The following SCIN variants were observed in gnomAD, a reference collection of about 807,000 sequenced individuals.
The protein encoded by SCIN is scinderin, also known as adseverin.
Under a neutral mutation model 91.8 loss-of-function variants are expected in SCIN, and 91 were observed. The observed-to-expected ratio is 0.99, with a 90% CI of 0.84 to 1.18. SCIN has a LOEUF of 1.18. SCIN is among the 50% of genes most tolerant of loss of function. SCIN has a pLI of 0.00. For missense variants in SCIN, 1,087 were observed against 863.9 expected (o/e 1.26, Z -3.24); for synonymous variants, 367 against 312.6 (o/e 1.17, Z -1.84).
chr7:12,632,227 T>G (rs188091459), intron 9 of SCIN, among the ~76,000 whole-genome samples: 7 of 151,618 alleles, frequency 4.6e-5, no homozygotes, highest in African/African-American at 1.5e-4. Flanking sequence ...GCCTCCCGGG[T>G]TCAAGCTATT....
chr7:12,604,786 T>TCAA (rs1214836580), intron 4 of SCIN, 123 bp downstream of exon 4: 7 of 760,230 alleles, frequency 9.2e-6, no homozygotes, highest in African/African-American at 1.8e-5. Flanking sequence ...AACACATGTT[T>TCAA]CAATAGTGAG....
intron 3 of SCIN, among the ~76,000 whole-genome samples, chr7:12,603,337 G>A (rs1236956239): frequency 1.3e-5 from 2 of 151,876 alleles, no homozygotes; most frequent in East Asian, 3.9e-4. Context: ...GTAGAGACGG[G>A]GTTTCACTGT....
chr7:12,595,990 A>G (rs780342222), intron 3 of SCIN, among the ~76,000 whole-genome samples: 11 of 152,214 alleles, frequency 7.2e-5, no homozygotes, highest in Non-Finnish European at 1.6e-4. Context: ...CAAAGAGACC[A>G]AGACAAGTTT....
chr7:12,635,691 C>T (rs1373892006), intron 9 of SCIN, among the ~76,000 whole-genome samples: 1 of 145,150 alleles, frequency 6.9e-6, no homozygotes, highest in African/African-American at 2.5e-5. Context: ...AAGTTTGGCT[C>T]GTATTTTCAT....
chr7:12,640,506 A>G lies in SCIN; in HGVS notation c.1570A>G (p.Arg524Gly). ...CCGGAGAAACCTGGCATCTATCACC[A>G]GAATTGTGGAGGTAATGTCATGCAT... The part of the protein sequence containing the change: ...QVRRNLASIT[R>G]IVEVDVDANS... Residue 524 changes from arginine (R) to glycine (G), a missense_variant, in exon 11 of 16, where the codon AGA (arginine) becomes GGA (glycine). By Grantham distance (125) the Arg-to-Gly change is moderately radical. Transcript: ENST00000297029. The G allele has an allele frequency of 1.2e-6, 2 of 1,610,320 alleles. No individual in the cohort carries two copies. Among genetic ancestry groups the G allele is most frequent in the Non-Finnish European group, 1.7e-6 (2 of 1,178,304 alleles).
intron 3 of SCIN, among the ~76,000 whole-genome samples, chr7:12,593,885 G>A (rs1782780725): frequency 6.6e-6 from 1 of 152,204 alleles, no homozygotes; most frequent in African/African-American, 2.4e-5. Context: ...CTTCTCTTCT[G>A]GAAGGAGGGT....
rs533251475 is a variant in SCIN, at chr7:12,594,033, A to C, written c.517-10481A>C. ...TCAATCTGTAAGAGATCGTAGAAGG[A>C]GAAAGGGACGTGGACATGGACGATC... On this transcript the variant is annotated intron_variant, in intron 3 of 15. Transcript: ENST00000297029. Among the ~76,000 whole-genome samples, 6 of 152,304 alleles carry C rather than the reference A, an allele frequency of 3.9e-5. No individual in the cohort carries two copies. In the South Asian group the frequency reaches 6.2e-4, roughly 16 times the overall value.
At chr7:12,624,808 T>C (rs1783477837) in intron 5 of SCIN, among the ~76,000 whole-genome samples, 1 of 152,214 alleles carries the variant, frequency 6.6e-6, no homozygotes, top group African/African-American at 2.4e-5. Flanking sequence ...ATAATTAGTC[T>C]TGTGGATTCT....
intron 3 of SCIN, among the ~76,000 whole-genome samples, chr7:12,601,183 G>A (rs916038417): frequency 2.6e-5 from 4 of 152,116 alleles, no homozygotes; most frequent in Non-Finnish European, 5.9e-5. Context: ...AGAGGACCGT[G>A]GATTAGGTCA....
At chr7:12,622,946 G>C in intron 5 of SCIN, 53 bp downstream of exon 5, 2 of 1,359,318 alleles carry the variant, frequency 1.5e-6, no homozygotes, top group Non-Finnish European at 2.1e-6. Flanking sequence ...ATGTAGCTAG[G>C]GAGGCCTGTA....
intron 3 of SCIN, among the ~76,000 whole-genome samples, chr7:12,586,940 G>A (rs1782600636): frequency 6.6e-6 from 1 of 152,122 alleles, no homozygotes; most frequent in African/African-American, 2.4e-5. Context: ...AGGGGGAGGG[G>A]AGGCTAGGGA....
chr7:12,578,909 G>GTTTTTTTTTTTTTTTTTTTTTTTTTT lies in SCIN; in HGVS notation c.354+706_354+707insTTTTTTTTTTTTTTTTTTTTTTTTTT. 3.2e-3 allele frequency among the ~76,000 whole-genome samples: 271 copies of GTTTTTTTTTTTTTTTTTTTTTTTTTT among 85,824 alleles called. 49 individuals carry two copies. Among genetic ancestry groups the GTTTTTTTTTTTTTTTTTTTTTTTTTT allele is most frequent in the African/African-American group, 0.013 (248 of 19,370 alleles). The allele number at this position is 85,824 out of a possible 152,430, so 56.3% of individuals were successfully genotyped here. On this transcript the variant is annotated intron_variant, in intron 2 of 15. Coordinates refer to ENST00000297029, the MANE Select transcript of SCIN (RefSeq NM_001112706.3). ...TAAGGCAGCCTTCAGTATAGGACAG[G>GTTTTTTTTTTTTTTTTTTTTTTTTTT]TTTTTTTTTTTTTTTGGCATCCTCC...
At chr7:12,623,391 A>G (rs188826176) in intron 5 of SCIN, among the ~76,000 whole-genome samples, 222 of 152,306 alleles carry the variant, frequency 1.5e-3, no homozygotes, top group African/African-American at 5.1e-3. Context: ...TAACCTACCT[A>G]CTTCCATATC....
chr7:12,584,954 C>T (rs1782557360), intron 3 of SCIN, among the ~76,000 whole-genome samples: 2 of 152,220 alleles, frequency 1.3e-5, no homozygotes, highest in South Asian at 4.2e-4. Flanking sequence ...AATTCTATTT[C>T]CCAGGAGTAG....
chr7:12,596,426 G>C, intron 3 of SCIN: 1 of 455,644 alleles, frequency 2.2e-6, no homozygotes, highest in Non-Finnish European at 4.4e-6. Flanking sequence ...TAGTGCAACA[G>C]GTGTGAACCT....
intron 1 of SCIN, 183 bp downstream of exon 1, chr7:12,571,168 C>T: frequency 1.5e-6 from 1 of 651,616 alleles, no homozygotes; most frequent in Non-Finnish European, 2.6e-6. Flanking sequence ...TCGCCGGCTG[C>T]AAACGCGGGG....
chr7:12,631,164 C>G (rs984117808), intron 9 of SCIN, among the ~76,000 whole-genome samples: 1 of 152,132 alleles, frequency 6.6e-6, no homozygotes, highest in Non-Finnish European at 1.5e-5. Flanking sequence ...ATTTTAAATG[C>G]TAAATTTGAG....
At chr7:12,586,625 A>G (rs188093700) in intron 3 of SCIN, among the ~76,000 whole-genome samples, 3 of 152,178 alleles carry the variant, frequency 2.0e-5, no homozygotes, top group Non-Finnish European at 4.4e-5. Context: ...AGGGATACGC[A>G]TGCCCCTATG....
intron 3 of SCIN, among the ~76,000 whole-genome samples, chr7:12,590,129 C>T (rs182353591): frequency 1.4e-4 from 22 of 152,178 alleles, no homozygotes; most frequent in Admixed American, 1.0e-3. Flanking sequence ...TTGTATGGAG[C>T]CAGGGAGACC....
Sources: gnomAD v4.1 joint callset for allele counts (sites outside exome capture counted in the v4.1 genomes callset) on GRCh38, gnomAD v4.1.1 for gene constraint, MANE v1.5 for transcripts, NCBI Gene and HGNC (gene_info 2026-07-23, HGNC 2026-07-21) for gene names.